UROS: variants seen among roughly 807,000 people sequenced by gnomAD.
The protein encoded by UROS is uroporphyrinogen-III synthase.
In UROS, 18 loss-of-function variants were observed where a neutral mutation model predicts 33.0. The observed-to-expected ratio is 0.55, with a 90% CI of 0.38 to 0.81. The LOEUF is 0.81. Ranked by LOEUF, UROS falls within the 30% of genes least tolerant of loss-of-function variation. The pLI is 0.00. For missense variants in UROS, 293 were observed against 314.9 expected (o/e 0.93, Z 0.53); for synonymous variants, 114 against 121.1 (o/e 0.94, Z 0.38).
At chr10:125,787,302 C>T (rs1230023636), downstream of UROS, among the ~76,000 whole-genome samples, 6 of 152,094 alleles carry the variant, frequency 3.9e-5, no homozygotes, top group Non-Finnish European at 5.9e-5. Flanking sequence ...TGTGTGCTTC[C>T]GAAGCCCACA....
At chr10:125,802,378 A>G in intron 6 of UROS, 1 of 985,852 alleles carries the variant, frequency 1.0e-6, no homozygotes, top group Non-Finnish European at 1.2e-6. Flanking sequence ...AAAGAGAGTC[A>G]CTGCCTGTCT....
At chr10:125,785,175 C>T (rs1850607475), downstream of UROS, 1 of 152,126 alleles carries the variant, frequency 6.6e-6, no homozygotes, top group South Asian at 2.1e-4. Context: ...TTTTTGTGCC[C>T]ACAGTGTCAC....
intron 6 of UROS, among the ~76,000 whole-genome samples, chr10:125,799,109 C>T (rs953961471): frequency 6.6e-6 from 1 of 152,186 alleles, no homozygotes; most frequent in Non-Finnish European, 1.5e-5. Flanking sequence ...CCTTTCCATC[C>T]AGTACCACCT....
chr10:125,794,879 C>A lies in UROS; in HGVS notation c.660+1G>T. On this transcript the variant is annotated splice_donor_variant, in intron 9 of 9. Transcript: ENST00000368797. LOFTEE classifies it high-confidence loss of function. ...GACCAAAAGCTCATTGAATAACTTA[C>A]CTTAATTTGATCGATATTGTCACCA... is the stretch of plus-strand genomic sequence containing the variant. The A allele has an allele frequency of 6.2e-7, 1 of 1,611,034 alleles. No individual in the cohort carries two copies. Among genetic ancestry groups the A allele is most frequent in the Non-Finnish European group, 8.5e-7 (1 of 1,177,496 alleles).
At chr10:125,821,763 T>G (rs1362073606) in intron 1 of UROS, among the ~76,000 whole-genome samples, 1 of 152,194 alleles carries the variant, frequency 6.6e-6, no homozygotes, top group African/African-American at 2.4e-5. Flanking sequence ...ATGGGTCTTT[T>G]TTGACAGCTT....
intron 9 of UROS, chr10:125,793,712 A>C (rs1438750226): frequency 6.6e-6 from 1 of 151,932 alleles, no homozygotes; most frequent in East Asian, 1.9e-4. Context: ...ATGCCCAGCT[A>C]ATTTTTATAT....
chr10:125,806,245 A>C (rs1332499707), intron 6 of UROS, among the ~76,000 whole-genome samples: 1 of 152,140 alleles, frequency 6.6e-6, no homozygotes, highest in Non-Finnish European at 1.5e-5. Flanking sequence ...AAATAACATA[A>C]ATACTTTGTT....
chr10:125,785,063 T>C (rs1850605926), downstream of UROS: 1 of 152,246 alleles, frequency 6.6e-6, no homozygotes. Context: ...TATTTTATCA[T>C]TTAGATTTGA....
At chr10:125,794,838 AAAAG>A (rs1851220303) in intron 9 of UROS, 38 bp downstream of exon 9, 2 of 1,563,260 alleles carry the variant, frequency 1.3e-6, no homozygotes, top group African/African-American at 2.7e-5. Context: ...AAAAAAAAAA[AAAAG>A]AATCTGAAAA....
chr10:125,810,930 A>G (rs562569461), intron 5 of UROS, among the ~76,000 whole-genome samples: 1 of 152,328 alleles, frequency 6.6e-6, no homozygotes, highest in Admixed American at 6.5e-5. Flanking sequence ...TGTTCCCTGC[A>G]TTTAGAACAT....
chr10:125,799,743 C>G (rs1851661865), intron 6 of UROS, among the ~76,000 whole-genome samples: 1 of 152,184 alleles, frequency 6.6e-6, no homozygotes, highest in African/African-American at 2.4e-5. Flanking sequence ...GCTCAGCTGA[C>G]TTCACTGAAA....
At chr10:125,811,089 T>C (rs1852773664) in intron 5 of UROS, among the ~76,000 whole-genome samples, 1 of 152,194 alleles carries the variant, frequency 6.6e-6, no homozygotes, top group African/African-American at 2.4e-5. Flanking sequence ...CATCATTCAT[T>C]GTATCACCAT....
intron 9 of UROS, chr10:125,791,641 A>C (rs1850941948): frequency 2.0e-5 from 3 of 152,226 alleles, no homozygotes; most frequent in Admixed American, 1.3e-4. Flanking sequence ...GGCACTAAAA[A>C]GGGATGAAGT....
Position 125,794,924 on chromosome 10 carries a change from T to C in UROS, c.616A>G (p.Lys206Glu), listed in dbSNP as rs199521454. Residue 206 changes from lysine (K) to glutamate (E), a missense_variant, in exon 9 of 10, where the codon AAG becomes GAG. Coordinates refer to ENST00000368797, the MANE Select transcript of UROS (RefSeq NM_000375.3). ...FSPSGLTYSL[K>E]HIQELSGDNI... ...TCACCAGATAACTCCTGAATGTGCTTGAGACTGTATGTGAGGCCAGAGGGA... is the reference window on the plus strand; with the variant it reads ...TCACCAGATAACTCCTGAATGTGCTCGAGACTGTATGTGAGGCCAGAGGGA... 3 of 1,614,016 alleles carry C rather than the reference T, an allele frequency of 1.9e-6. No homozygotes were observed. The African/African-American group carries it at 4.0e-5, about 22-fold the overall frequency.
intron 1 of UROS, among the ~76,000 whole-genome samples, chr10:125,821,493 TAC>T (rs966484390): frequency 9.2e-5 from 14 of 152,340 alleles, no homozygotes; most frequent in Middle Eastern, 3.4e-3. Context: ...GTTGTTTAAC[TAC>T]AGTTTCAATT....
chr10:125,788,120 C>T (rs750405717), downstream of UROS, among the ~76,000 whole-genome samples: 1 of 152,186 alleles, frequency 6.6e-6, no homozygotes, highest in African/African-American at 2.4e-5. Flanking sequence ...AGAGCCTTCC[C>T]ACCACCAGCC....
intron 9 of UROS, among the ~76,000 whole-genome samples, chr10:125,790,250 A>T (rs1274470254): frequency 6.6e-6 from 1 of 152,098 alleles, no homozygotes; most frequent in East Asian, 1.9e-4. Flanking sequence ...TTGGACCCCT[A>T]CCTCACACAA....
intron 6 of UROS, among the ~76,000 whole-genome samples, chr10:125,800,675 C>G (rs1316259650): frequency 6.6e-6 from 1 of 151,904 alleles, no homozygotes; most frequent in African/African-American, 2.4e-5. Flanking sequence ...AATTCTCCTG[C>G]CTCAGCCTCC....
At chr10:125,790,026 C>A (rs1286908099) in intron 9 of UROS, among the ~76,000 whole-genome samples, 1 of 152,204 alleles carries the variant, frequency 6.6e-6, no homozygotes, top group Non-Finnish European at 1.5e-5. Context: ...TCCCTCCCAG[C>A]AAGTGAGCAG....
Sources: gnomAD v4.1 joint callset for allele counts (sites outside exome capture counted in the v4.1 genomes callset) on GRCh38, gnomAD v4.1.1 for gene constraint, MANE v1.5 for transcripts, NCBI Gene and HGNC (gene_info 2026-07-23, HGNC 2026-07-21) for gene names.